Variants in MYZAP observed in about 807,000 individuals in gnomAD.
The protein encoded by MYZAP is myocardial zonula adherens protein.
A neutral mutation model predicts 69.4 loss-of-function variants in MYZAP; 66 were observed. The observed-to-expected ratio is 0.95, with a 90% CI of 0.78 to 1.17. The LOEUF is 1.17. MYZAP is among the 50% of genes most tolerant of loss of function. The pLI is 0.00. For synonymous variants in MYZAP, 256 were observed against 205.9 expected, an observed-to-expected ratio of 1.24 and a Z score of -2.09; for missense variants, 611 against 556.2, an observed-to-expected ratio of 1.10 and a Z score of -0.99.
chr15:57,617,303 A>G (rs1432477237), intron 2 of MYZAP, among the ~76,000 whole-genome samples: 2 of 152,236 alleles, frequency 1.3e-5, no homozygotes, highest in Non-Finnish European at 2.9e-5. Flanking sequence ...TAGGTTTTCA[A>G]CAAATCTTAA....
chr15:57,641,517 A>C lies in MYZAP; in HGVS notation c.1119+1972A>C, dbSNP rs573852020. On this transcript the variant is annotated intron_variant, in intron 10 of 12. Transcript: ENST00000267853. ...CATATCTTCCAGATAAGCTTCTCTA[A>C]GCTTTGATGTGGTCTGTGGTCTGGA... Among the ~76,000 whole-genome samples the C allele has an allele frequency of 2.8e-4, 42 of 152,232 alleles. 2 individuals are homozygous for C. In the South Asian group the frequency reaches 7.1e-3, roughly 26 times the overall value.
At chr15:57,668,894 A>ATATAT (rs1252525814) in intron 11 of MYZAP, among the ~76,000 whole-genome samples, 45 of 62,598 alleles carry the variant, frequency 7.2e-4, no homozygotes, top group African/African-American at 1.7e-3. Flanking sequence ...ATATATATAT[A>ATATAT]TTTTTTTTTT....
intron 1 of MYZAP, among the ~76,000 whole-genome samples, chr15:57,597,904 T>C (rs577364442): frequency 6.6e-6 from 1 of 152,252 alleles, no homozygotes; most frequent in African/African-American, 2.4e-5. Flanking sequence ...GTGGGGTCTG[T>C]TCCCCCTAGC....
rs996304743 is a variant in MYZAP at position 57,673,895 on chromosome 15, T to C, written c.1204-1073T>C. Among the ~76,000 whole-genome samples the C allele has an allele frequency of 3.9e-5, 6 of 152,316 alleles. No homozygotes were observed. In the East Asian group the frequency reaches 5.8e-4, roughly 15 times the overall value. On this transcript the variant is annotated intron_variant, in intron 11 of 12. Coordinates refer to ENST00000267853, the MANE Select transcript of MYZAP (RefSeq NM_001018100.5). ...TTAAAGAAGAAAAGAACAAATGGTT[T>C]CATTTCTAGTTATGCAAATAAACTG...
At chr15:57,648,922 C>T (rs1595908852) in intron 10 of MYZAP, among the ~76,000 whole-genome samples, 1 of 150,508 alleles carries the variant, frequency 6.6e-6, no homozygotes, top group East Asian at 1.9e-4. Flanking sequence ...TAGGCCATGC[C>T]TTGATGATTT....
Position 57,684,992 on chromosome 15 carries a change from G to C in MYZAP, c.*494G>C, listed in dbSNP as rs1188629664. 7.1e-6 allele frequency: 1 copy of C among 139,990 alleles called. No individual in the cohort carries two copies. Among genetic ancestry groups the C allele is most frequent in the Non-Finnish European group, 1.5e-5 (1 of 68,802 alleles). The allele number at this position is 139,990 out of a possible 1,614,324, so 8.7% of individuals were successfully genotyped here. A position where few individuals can be genotyped will look rare whatever the true frequency, so the allele number is the denominator to read the frequency against. On this transcript the variant is annotated 3_prime_UTR_variant, in exon 13 of 13. Transcript: ENST00000267853. ...CAGCCAAACTTGAACCTGGAAGGGA[G>C]GGTTCCCGGCCTGCAGGTGCTCTTT... is the stretch of plus-strand genomic sequence containing the variant.
chr15:57,618,107 A>G lies in MYZAP; in HGVS notation c.237A>G (p.Ser79=), dbSNP rs1191546810. The part of the protein sequence containing the change: ...QGVVYGVVRR[S]DQNQQKEMVV... ...TTGTTTATGGTGTGGTGCGAAGATCAGATCAAAATCAGCAGAAAGAAATGG... is the reference window on the plus strand; with the variant it reads ...TTGTTTATGGTGTGGTGCGAAGATCGGATCAAAATCAGCAGAAAGAAATGG... The change falls in exon 3 of 13, where the codon TCA becomes TCG. Residue 79 remains serine (S), a synonymous_variant. Transcript: ENST00000267853. The G allele has an allele frequency of 1.2e-6, 2 of 1,614,234 alleles. No homozygotes were observed. The highest frequency in any genetic ancestry group is 1.7e-6 in the Non-Finnish European group (2 of 1,180,038).
intron 10 of MYZAP, among the ~76,000 whole-genome samples, chr15:57,658,407 AT>A (rs2038111048): frequency 6.6e-6 from 1 of 152,154 alleles, no homozygotes; most frequent in Admixed American, 6.6e-5. Context: ...CTGCAATAAC[AT>A]TTTCCAAAGT....
In MYZAP at chr15:57,618,204, G is replaced by C; in HGVS notation, c.318+16G>C. The C allele has an allele frequency of 6.2e-7, 1 of 1,611,554 alleles. No individual in the cohort carries two copies. Among genetic ancestry groups the C allele is most frequent in the Non-Finnish European group, 8.5e-7 (1 of 1,178,868 alleles). ...CATCAAAGATGTGAGCCATTTAAGA[G>C]TTTTTGCCCCCCACCTGTATTCTTT... is the stretch of plus-strand genomic sequence containing the variant. On this transcript the variant is annotated intron_variant, in intron 3 of 12. Coordinates refer to ENST00000267853, the MANE Select transcript of MYZAP (RefSeq NM_001018100.5).
Position 57,633,672 on chromosome 15 carries a change from A to C in MYZAP, c.864A>C (p.Ala288=). ...IEEANKKMQA[A]EISLEEKDQR... is the part of the protein sequence containing the mutation. ...AAGCCAATAAAAAGATGCAAGCAGC[A>C]GAGATCAGCCTAGAGGAGAAAGACC... is the stretch of plus-strand genomic sequence containing the variant. Residue 288 remains alanine (A), a synonymous_variant, in exon 8 of 13, where the codon GCA becomes GCC. Coordinates refer to ENST00000267853, the MANE Select transcript of MYZAP (RefSeq NM_001018100.5). The C allele has an allele frequency of 6.2e-7, 1 of 1,613,782 alleles. No homozygotes were observed. Among genetic ancestry groups the C allele is most frequent in the Non-Finnish European group, 8.5e-7 (1 of 1,179,866 alleles).
intron 2 of MYZAP, among the ~76,000 whole-genome samples, 166 bp from the exon 3 acceptor site, chr15:57,617,867 C>G (rs2035570205): frequency 6.6e-6 from 1 of 152,182 alleles, no homozygotes; most frequent in African/African-American, 2.4e-5. Context: ...GCCAAATCAC[C>G]TTGGTGAACA....
chr15:57,654,001 T>TAAAA (rs1328327562), intron 10 of MYZAP, among the ~76,000 whole-genome samples: 1 of 9,164 alleles, frequency 1.1e-4, no homozygotes, highest in Non-Finnish European at 1.8e-4. Context: ...GCAAACGCTG[T>TAAAA]CAAAAAAAAA....
chr15:57,670,246 T>C (rs1472563499), intron 11 of MYZAP, among the ~76,000 whole-genome samples: 1 of 152,054 alleles, frequency 6.6e-6, no homozygotes. Context: ...TCTTTCTTTG[T>C]TTTTACTTTG....
chr15:57,653,938 G>C (rs1314882908), intron 10 of MYZAP, among the ~76,000 whole-genome samples: 1 of 139,014 alleles, frequency 7.2e-6, no homozygotes, highest in Non-Finnish European at 1.5e-5. Context: ...CCAGGAGTTT[G>C]AGGCTGCCGT....
chr15:57,596,385 T>C (rs968201799), intron 1 of MYZAP, among the ~76,000 whole-genome samples: 2 of 152,210 alleles, frequency 1.3e-5, no homozygotes, highest in African/African-American at 4.8e-5. Context: ...GGCCCAGGGC[T>C]GACTAACTAG....
intron 1 of MYZAP, among the ~76,000 whole-genome samples, chr15:57,598,380 G>A (rs1221138445): frequency 6.6e-6 from 1 of 152,130 alleles, no homozygotes; most frequent in Non-Finnish European, 1.5e-5. Flanking sequence ...GGCACTCCAG[G>A]GAGTTTCAGG....
At position 57,685,109 on chromosome 15, in the gene MYZAP, C is replaced by G. The variant is rs1234947295; in HGVS notation, c.*611C>G. 6.6e-6 allele frequency: 1 copy of G among 152,174 alleles called. No homozygotes were observed. The highest frequency in any genetic ancestry group is 1.5e-5 in the Non-Finnish European group (1 of 68,034). The allele number at this position is 152,174 out of a possible 1,614,324, so 9.4% of individuals were successfully genotyped here. A position where few individuals can be genotyped will look rare whatever the true frequency, so the allele number is the denominator to read the frequency against. ...AAGCTTCATTCTGATGCGCTAGTCC[C>G]TTGGTTTAATTTGTGCCTTATGCTT... On this transcript the variant is annotated 3_prime_UTR_variant, in exon 13 of 13. Coordinates refer to ENST00000267853, the MANE Select transcript of MYZAP (RefSeq NM_001018100.5).
At chr15:57,616,701 T>G (rs980081685) in intron 2 of MYZAP, among the ~76,000 whole-genome samples, 4 of 151,688 alleles carry the variant, frequency 2.6e-5, no homozygotes, top group Non-Finnish European at 2.9e-5. Flanking sequence ...TCCAGCTGAC[T>G]TGGAAGACTG....
intron 10 of MYZAP, chr15:57,646,067 A>C (rs2037429223): frequency 1.0e-6 from 1 of 972,998 alleles, no homozygotes; most frequent in Non-Finnish European, 1.4e-6. Context: ...AATTAGCCAA[A>C]TGGGGGTAGG....
Sources: allele counts gnomAD v4.1 joint callset (sites outside exome capture counted in the v4.1 genomes callset), GRCh38; gene constraint gnomAD v4.1.1; transcripts MANE v1.5; gene names NCBI Gene and HGNC (gene_info 2026-07-23, HGNC 2026-07-21).